The following NRXN3 variants were observed in gnomAD, a reference collection of about 807,000 sequenced individuals.
NRXN3 encodes the protein neurexin III.
Under a neutral mutation model 137.6 loss-of-function variants are expected in NRXN3, and 32 were observed. The ratio of observed to expected loss-of-function variants is 0.23; its 90% confidence interval spans 0.18 to 0.31. The LOEUF is 0.31. Ranked by LOEUF, NRXN3 falls within the 10% of genes least tolerant of loss-of-function variation. The probability of loss-of-function intolerance (pLI) is 1.00; values close to 1 mark genes in which losing one functional copy is unlikely to be tolerated. For missense variants in NRXN3, 1,574 were observed against 2,062.5 expected (o/e 0.76, Z 4.59); for synonymous variants, 798 against 784.5 (o/e 1.02, Z -0.29).
chr14:78,417,689 A>G (rs1482172650), intron 4 of NRXN3, among the ~76,000 whole-genome samples: 2 of 152,202 alleles, frequency 1.3e-5, no homozygotes, highest in African/African-American at 4.8e-5. Flanking sequence ...GAAGCACATG[A>G]GCAGTGGAGA....
chr14:79,666,473 T>C (rs2098557602), intron 17 of NRXN3, among the ~76,000 whole-genome samples: 1 of 152,080 alleles, frequency 6.6e-6, no homozygotes, highest in African/African-American at 2.4e-5. Context: ...TGAAATACCC[T>C]ATCAATTAGA....
chr14:79,753,241 A>T (rs1470373358), intron 19 of NRXN3, among the ~76,000 whole-genome samples: 1 of 151,960 alleles, frequency 6.6e-6, no homozygotes, highest in Non-Finnish European at 1.5e-5. Flanking sequence ...AAGGACTATA[A>T]ATCATGCTGC....
In NRXN3 at chr14:79,808,711, C is replaced by T. The variant is rs1171443640; in HGVS notation, c.4093+3521C>T. 3.9e-5 allele frequency among the ~76,000 whole-genome samples: 6 copies of T among 152,140 alleles called. No individual in the cohort carries two copies. In the East Asian group the frequency reaches 1.2e-3, roughly 29 times the overall value. ...CTGATTAATTTACATCCATTTGAAG[C>T]TCTCACTTTTCATAAATTTGGGTAG... is the stretch of plus-strand genomic sequence containing the variant. On this transcript the variant is annotated intron_variant, in intron 20 of 20. Transcript: ENST00000335750.
At chr14:79,630,985 GT>G (rs765788896) in intron 16 of NRXN3, among the ~76,000 whole-genome samples, 2 of 152,104 alleles carry the variant, frequency 1.3e-5, no homozygotes, top group Non-Finnish European at 2.9e-5. Flanking sequence ...AGTGGTAGAA[GT>G]TTTTTTTACA....
chr14:79,179,020 T>G (rs2062647169), intron 15 of NRXN3, among the ~76,000 whole-genome samples: 1 of 152,202 alleles, frequency 6.6e-6, no homozygotes, highest in Non-Finnish European at 1.5e-5. Flanking sequence ...ATTTCTAAAA[T>G]GAGGCTGATG....
At chr14:79,338,789 T>C (rs931835408) in intron 15 of NRXN3, among the ~76,000 whole-genome samples, 1 of 152,292 alleles carries the variant, frequency 6.6e-6, no homozygotes, top group Non-Finnish European at 1.5e-5. Context: ...GACTAAAACT[T>C]CCCTCTGAAT....
At chr14:78,231,831 G>A (rs1477902350) in intron 1 of NRXN3, among the ~76,000 whole-genome samples, 1 of 152,220 alleles carries the variant, frequency 6.6e-6, no homozygotes, top group African/African-American at 2.4e-5. Context: ...AGTGTTTGCT[G>A]TTGCTGCTGT....
chr14:79,554,225 G>A (rs570263747), intron 16 of NRXN3, among the ~76,000 whole-genome samples: 1 of 152,236 alleles, frequency 6.6e-6, no homozygotes, highest in South Asian at 2.1e-4. Flanking sequence ...GTCTGCATGT[G>A]GTGAGCACAA....
chr14:78,826,255 CAT>C (rs1453444946), intron 10 of NRXN3, among the ~76,000 whole-genome samples: 2 of 152,044 alleles, frequency 1.3e-5, no homozygotes, highest in Non-Finnish European at 2.9e-5. Context: ...ACCTGTCAAA[CAT>C]AGGGATACTC....
intron 11 of NRXN3, 47 bp downstream of exon 11, chr14:78,957,408 C>T (rs774187601): frequency 2.9e-5 from 46 of 1,594,928 alleles, no homozygotes; most frequent in Non-Finnish European, 3.9e-5. Flanking sequence ...TCTCAGTCCT[C>T]TCAGTCACTG....
intron 16 of NRXN3, among the ~76,000 whole-genome samples, chr14:79,489,678 A>T (rs1471545914): frequency 6.6e-6 from 1 of 152,184 alleles, no homozygotes; most frequent in East Asian, 1.9e-4. Flanking sequence ...GAGTTGGAGT[A>T]TAGGCGATAA....
Position 79,481,625 on chromosome 14 carries a change from A to G in NRXN3, c.3444+14223A>G, listed in dbSNP as rs1403799730. ...TAATTTTATGGGAATGTAACAACCC[A>G]GTGGGTTCTGTTTGTCCACTGCCCA... is the stretch of plus-strand genomic sequence containing the variant. On this transcript the variant is annotated intron_variant, in intron 16 of 20. Transcript: ENST00000335750. Among the ~76,000 whole-genome samples the G allele has an allele frequency of 2.6e-5, 4 of 152,356 alleles. No individual in the cohort carries two copies. The East Asian group carries it at 5.8e-4, about 22-fold the overall frequency.
chr14:79,504,283 C>T (rs1052599677), intron 16 of NRXN3, among the ~76,000 whole-genome samples: 1 of 152,124 alleles, frequency 6.6e-6, no homozygotes, highest in Non-Finnish European at 1.5e-5. Context: ...GATTGTTATT[C>T]TCTGACAGAT....
chr14:79,606,585 A>G (rs1458783421), intron 16 of NRXN3, among the ~76,000 whole-genome samples: 1 of 152,234 alleles, frequency 6.6e-6, no homozygotes, highest in Non-Finnish European at 1.5e-5. Context: ...AGATTTTATA[A>G]GGTATTATGA....
intron 15 of NRXN3, among the ~76,000 whole-genome samples, chr14:79,089,705 A>G (rs889292572): frequency 2.0e-5 from 3 of 151,686 alleles, no homozygotes; most frequent in Admixed American, 2.0e-4. Context: ...TCCCATGGAG[A>G]CGATGACTGC....
chr14:78,686,114 C>A (rs2098123702), intron 6 of NRXN3, among the ~76,000 whole-genome samples: 2 of 152,184 alleles, frequency 1.3e-5, no homozygotes, highest in South Asian at 4.1e-4. Flanking sequence ...TTTTAAAGTT[C>A]ATGAAAGTAA....
chr14:78,931,764 TA>T (rs1220886093), intron 10 of NRXN3, among the ~76,000 whole-genome samples: 2 of 152,184 alleles, frequency 1.3e-5, no homozygotes, highest in African/African-American at 4.8e-5. Flanking sequence ...GAGAGGAATG[TA>T]ATATTGCAAT....
intron 17 of NRXN3, among the ~76,000 whole-genome samples, chr14:79,667,818 T>C (rs2098574145): frequency 6.6e-6 from 1 of 151,836 alleles, no homozygotes; most frequent in South Asian, 2.1e-4. Flanking sequence ...AAAGGTGACT[T>C]GAGTATGAGG....
intron 15 of NRXN3, among the ~76,000 whole-genome samples, chr14:79,094,288 C>T (rs1232261631): frequency 6.6e-6 from 1 of 152,128 alleles, no homozygotes; most frequent in Non-Finnish European, 1.5e-5. Context: ...GGTTTGGTTT[C>T]ATCTGTATCC....
Sources: allele counts gnomAD v4.1 joint callset (sites outside exome capture counted in the v4.1 genomes callset), GRCh38; gene constraint gnomAD v4.1.1; transcripts MANE v1.5; gene names NCBI Gene and HGNC (gene_info 2026-07-23, HGNC 2026-07-21).